HIPK3: variants seen among roughly 807,000 people sequenced by gnomAD.
HIPK3 encodes homeodomain interacting protein kinase 3.
HIPK3 carries 47 observed loss-of-function variants against 124.2 expected under a neutral mutation model. The ratio of observed to expected loss-of-function variants is 0.38; its 90% CI spans 0.30 to 0.48. The LOEUF is 0.48. HIPK3 is among the 20% of genes least tolerant of loss of function. HIPK3 has a pLI of 0.98. For synonymous variants in HIPK3, 482 were observed against 515.2 expected (o/e 0.94, Z 0.87); for missense variants, 1,286 against 1,454.3 (o/e 0.88, Z 1.88).
intron 3 of HIPK3, among the ~76,000 whole-genome samples, chr11:33,333,616 T>C (rs1853053413): frequency 6.6e-6 from 1 of 152,228 alleles, no homozygotes; most frequent in South Asian, 2.1e-4. Flanking sequence ...CATTTTTCTC[T>C]TCAAAAGACT....
intron 3 of HIPK3, among the ~76,000 whole-genome samples, chr11:33,329,096 A>T (rs1332429537): frequency 6.6e-6 from 1 of 152,152 alleles, no homozygotes; most frequent in East Asian, 1.9e-4. Flanking sequence ...AGTGGTGCTG[A>T]AATTCTCTTT....
intron 8 of HIPK3, among the ~76,000 whole-genome samples, 188 bp downstream of exon 8, chr11:33,341,874 C>T (rs1853345221): frequency 6.6e-6 from 1 of 151,942 alleles, no homozygotes; most frequent in African/African-American, 2.4e-5. Flanking sequence ...CTGAGGTAGG[C>T]GGATCACTTG....
chr11:33,295,486 G>A (rs959679061), intron 2 of HIPK3, among the ~76,000 whole-genome samples: 3 of 152,248 alleles, frequency 2.0e-5, no homozygotes, highest in Non-Finnish European at 4.4e-5. Flanking sequence ...TCAAGCTTAT[G>A]TTGCGTCGTT....
chr11:33,287,548 A>T, intron 2 of HIPK3, 37 bp downstream of exon 2: 3 of 1,566,934 alleles, frequency 1.9e-6, no homozygotes, highest in Non-Finnish European at 2.6e-6. Flanking sequence ...TTGTTTATTA[A>T]TGTGAAATTT....
intron 2 of HIPK3, among the ~76,000 whole-genome samples, chr11:33,299,236 G>A (rs1457174293): frequency 6.6e-6 from 1 of 151,862 alleles, no homozygotes; most frequent in Admixed American, 6.5e-5. Context: ...CACTTTGGGA[G>A]GTCGAGGCAG....
chr11:33,330,881 T>C (rs528152358), intron 3 of HIPK3, among the ~76,000 whole-genome samples: 1 of 151,956 alleles, frequency 6.6e-6, no homozygotes, highest in African/African-American at 2.4e-5. Context: ...TTTTTCTTTT[T>C]TCTTTTTCTT....
chr11:33,303,378 G>A (rs1389538480), intron 2 of HIPK3, among the ~76,000 whole-genome samples: 2 of 152,148 alleles, frequency 1.3e-5, no homozygotes, highest in African/African-American at 4.8e-5. Flanking sequence ...TTTAATCTGT[G>A]GTTGGTTAAG....
At chr11:33,273,488 C>T (rs645341) in intron 1 of HIPK3, among the ~76,000 whole-genome samples, 33 of 105,464 alleles carry the variant, frequency 3.1e-4, no homozygotes, top group African/African-American at 1.0e-3. Flanking sequence ...CCAGCCTGGG[C>T]GACAGAGTGA....
At position 33,337,170 on chromosome 11, in the gene HIPK3, G is replaced by A. The variant is rs755406392; in HGVS notation, c.1317G>A (p.Met439Ile). 7 of 1,550,850 alleles carry A rather than the reference G, an allele frequency of 4.5e-6. No individual in the cohort carries two copies. The East Asian group carries it at 1.6e-4, about 35-fold the overall frequency. Residue 439 changes from methionine to isoleucine, a missense_variant, in exon 4 of 17, where the codon ATG becomes ATA. By Grantham distance (10) the Met-to-Ile change is conservative. This residue lies in a region of HIPK3 where 251 missense variants were observed against 349.1 expected (regional missense o/e 0.72). Transcript: ENST00000303296. ...STRFFCKETD[M>I]SHSGWRLKTL... ...GATTTTTTTGCAAAGAAACAGATAT[G>A]TCTCATTCTGGTTGGAGATTAAAGG...
At chr11:33,270,803 A>T (rs1851104504) in intron 1 of HIPK3, among the ~76,000 whole-genome samples, 1 of 152,200 alleles carries the variant, frequency 6.6e-6, no homozygotes. Context: ...TTAAAAAAAG[A>T]ATAAAAAATG....
intron 2 of HIPK3, among the ~76,000 whole-genome samples, chr11:33,301,242 G>T (rs181878403): frequency 4.1e-4 from 62 of 152,220 alleles, no homozygotes; most frequent in African/African-American, 1.5e-3. Flanking sequence ...AGTAACCAGA[G>T]TACAACATGT....
Position 33,295,750 on chromosome 11 carries a change from G to C in HIPK3, c.1097+8239G>C, listed in dbSNP as rs116664173. 6.0e-3 allele frequency among the ~76,000 whole-genome samples: 912 copies of C among 152,358 alleles called. 9 individuals carry two copies. Among genetic ancestry groups the C allele is most frequent in the African/African-American group, 0.021 (862 of 41,592 alleles). On this transcript the variant is annotated intron_variant, in intron 2 of 16. Coordinates refer to ENST00000303296, the MANE Select transcript of HIPK3 (RefSeq NM_005734.5). ...CTTTTGGCAGGAACTTCACAGAACTGATGTTGTGTCCACACATATTGAGAG... is the reference window on the plus strand; with the variant it reads ...CTTTTGGCAGGAACTTCACAGAACTCATGTTGTGTCCACACATATTGAGAG...
At chr11:33,278,824 A>G (rs1851336975) in intron 1 of HIPK3, among the ~76,000 whole-genome samples, 1 of 152,134 alleles carries the variant, frequency 6.6e-6, no homozygotes, top group African/African-American at 2.4e-5. Context: ...AGCCTGGGCG[A>G]CAGAGCGAGA....
At chr11:33,282,620 T>C (rs1242497802) in intron 1 of HIPK3, among the ~76,000 whole-genome samples, 1 of 151,912 alleles carries the variant, frequency 6.6e-6, no homozygotes, top group Non-Finnish European at 1.5e-5. Context: ...AAGGTGGAGA[T>C]TGCAGTGAGC....
At chr11:33,351,554 T>G (rs1350587681) in intron 14 of HIPK3, 54 bp from the exon 15 acceptor site, 8 of 1,237,212 alleles carry the variant, frequency 6.5e-6, no homozygotes, top group Non-Finnish European at 7.1e-6. Flanking sequence ...TACTTAACAT[T>G]AGATTTAATG....
intron 2 of HIPK3, among the ~76,000 whole-genome samples, chr11:33,327,270 G>A (rs1852837918): frequency 6.6e-6 from 1 of 152,126 alleles, no homozygotes; most frequent in Admixed American, 6.6e-5. Context: ...AAGATACAAT[G>A]AGAAAACATG....
chr11:33,279,037 A>G (rs973485552), intron 1 of HIPK3, among the ~76,000 whole-genome samples: 6 of 152,152 alleles, frequency 3.9e-5, no homozygotes, highest in Non-Finnish European at 7.3e-5. Flanking sequence ...GAACCCAGTC[A>G]GGCCTGGTGG....
At chr11:33,299,340 C>T (rs1851928045) in intron 2 of HIPK3, among the ~76,000 whole-genome samples, 2 of 151,880 alleles carry the variant, frequency 1.3e-5, no homozygotes, top group African/African-American at 4.8e-5. Flanking sequence ...GGCACAGTGG[C>T]AGGTGCCTGT....
rs772806079 is a variant in HIPK3 at position 33,348,487 on chromosome 11, A to G, written c.2370-35A>G. 1.6e-5 allele frequency: 24 copies of G among 1,498,870 alleles called. No individual in the cohort carries two copies. In the African/African-American group the frequency reaches 2.5e-4, roughly 16 times the overall value. 92.8% of individuals were successfully genotyped at this position (1,498,870 alleles called of 1,614,324 possible). A position where few individuals can be genotyped will look rare whatever the true frequency, so the allele number is the denominator to read the frequency against. ...TAGACAATTGATTATACATATTTTG[A>G]TTATAGAAATTATAAATTATTCCTT... On this transcript the variant is annotated intron_variant, in intron 12 of 16. Coordinates refer to ENST00000303296, the MANE Select transcript of HIPK3 (RefSeq NM_005734.5).
Sources: allele counts gnomAD v4.1 joint callset (sites outside exome capture counted in the v4.1 genomes callset), GRCh38; gene constraint gnomAD v4.1.1; regional missense constraint gnomAD v4.1.1; transcripts MANE v1.5; gene names NCBI Gene and HGNC (gene_info 2026-07-23, HGNC 2026-07-21).